TSHZ2: variants seen among roughly 807,000 people sequenced by gnomAD.
TSHZ2 encodes the protein teashirt homolog 2.
In TSHZ2, 21 loss-of-function variants were observed where a neutral mutation model predicts 74.4. The observed-to-expected ratio is 0.28, with a 90% confidence interval of 0.20 to 0.41. The LOEUF is 0.41. TSHZ2 is among the 10% of genes least tolerant of loss of function. The pLI is 1.00. For synonymous variants in TSHZ2, 540 were observed against 515.3 expected (o/e 1.05, Z -0.65); for missense variants, 1,244 against 1,293.5 (o/e 0.96, Z 0.59).
chr20:53,252,302 G>A (rs1331855835), intron 1 of TSHZ2, among the ~76,000 whole-genome samples: 1 of 152,188 alleles, frequency 6.6e-6, no homozygotes, highest in East Asian at 1.9e-4. Context: ...GGAAATAACA[G>A]AGCCTGCTCT....
intron 1 of TSHZ2, among the ~76,000 whole-genome samples, chr20:53,150,732 AGG>A (rs939803438): frequency 6.6e-6 from 1 of 152,110 alleles, no homozygotes; most frequent in African/African-American, 2.4e-5. Flanking sequence ...AAGAAAAAGA[AGG>A]AGGGAAGAAA....
chr20:52,996,173 T>C (rs1982179997), intron 1 of TSHZ2, among the ~76,000 whole-genome samples: 1 of 152,152 alleles, frequency 6.6e-6, no homozygotes, highest in African/African-American at 2.4e-5. Flanking sequence ...AAAAAGGTAA[T>C]ATAAAATGGA....
intron 1 of TSHZ2, among the ~76,000 whole-genome samples, chr20:53,238,772 G>A (rs1417496738): frequency 6.7e-6 from 1 of 150,020 alleles, no homozygotes; most frequent in Non-Finnish European, 1.5e-5. Flanking sequence ...TGTCTGTAAG[G>A]GAGCAGTTTT....
At chr20:53,439,344 A>T (rs1984223362) in intron 2 of TSHZ2, among the ~76,000 whole-genome samples, 1 of 152,132 alleles carries the variant, frequency 6.6e-6, no homozygotes, top group Non-Finnish European at 1.5e-5. Context: ...TGCCTAGCTC[A>T]CTATTAAAAA....
At chr20:53,274,019 A>G (rs531245663) in intron 2 of TSHZ2, among the ~76,000 whole-genome samples, 53 of 152,222 alleles carry the variant, frequency 3.5e-4, no homozygotes, top group Middle Eastern at 3.4e-3. Flanking sequence ...AGTGACTCAC[A>G]CCTGTAATCC....
At chr20:53,103,534 G>A (rs938669794) in intron 1 of TSHZ2, among the ~76,000 whole-genome samples, 13 of 152,134 alleles carry the variant, frequency 8.5e-5, no homozygotes, top group Non-Finnish European at 1.9e-4. Context: ...AAAGCAGAGA[G>A]AGTGCTTCAG....
chr20:53,100,296 C>T (rs1185316286), intron 1 of TSHZ2, among the ~76,000 whole-genome samples: 1 of 152,152 alleles, frequency 6.6e-6, no homozygotes, highest in African/African-American at 2.4e-5. Context: ...AGTTCCTTTG[C>T]CTTCCCGTTT....
intron 2 of TSHZ2, among the ~76,000 whole-genome samples, chr20:53,300,776 G>A (rs542597729): frequency 2.0e-5 from 3 of 152,252 alleles, no homozygotes; most frequent in African/African-American, 7.2e-5. Flanking sequence ...AAACCAGGGA[G>A]CTTTGACTAA....
chr20:53,372,080 T>G (rs1440144549), intron 2 of TSHZ2, among the ~76,000 whole-genome samples: 1 of 152,018 alleles, frequency 6.6e-6, no homozygotes, highest in Non-Finnish European at 1.5e-5. Context: ...CCTAATTGAG[T>G]CTGACCTCAT....
At chr20:53,170,359 C>G (rs1243576004) in intron 1 of TSHZ2, among the ~76,000 whole-genome samples, 1 of 152,214 alleles carries the variant, frequency 6.6e-6, no homozygotes, top group Non-Finnish European at 1.5e-5. Flanking sequence ...TTCATTTTCT[C>G]TTAGGATAGA....
intron 2 of TSHZ2, among the ~76,000 whole-genome samples, chr20:53,315,584 G>A (rs919298993): frequency 7.9e-5 from 12 of 152,150 alleles, no homozygotes; most frequent in African/African-American, 2.9e-4. Flanking sequence ...AAGGAAGATA[G>A]GTTCCTTTCT....
chr20:53,311,536 C>T (rs1000016957), intron 2 of TSHZ2, among the ~76,000 whole-genome samples: 1 of 152,140 alleles, frequency 6.6e-6, no homozygotes, highest in Non-Finnish European at 1.5e-5. Context: ...ACAAATCAGC[C>T]CTCAGCCTGG....
At chr20:52,982,187 A>T (rs963180982) in intron 1 of TSHZ2, among the ~76,000 whole-genome samples, 2 of 152,202 alleles carry the variant, frequency 1.3e-5, no homozygotes, top group African/African-American at 2.4e-5. Context: ...TGTTTTACTG[A>T]TGAGAATCTG....
At chr20:53,073,220 C>G (rs1249681542) in intron 1 of TSHZ2, among the ~76,000 whole-genome samples, 3 of 151,230 alleles carry the variant, frequency 2.0e-5, no homozygotes, top group Non-Finnish European at 3.0e-5. Context: ...ATCCCTTAAT[C>G]CATTCATCTG....
chr20:53,016,394 A>G (rs531041084), intron 1 of TSHZ2, among the ~76,000 whole-genome samples: 2 of 152,326 alleles, frequency 1.3e-5, no homozygotes, highest in South Asian at 4.1e-4. Context: ...TTAGCAACAA[A>G]TCAGCCTTCA....
At chr20:53,316,473 A>G (rs1979025097) in intron 2 of TSHZ2, among the ~76,000 whole-genome samples, 2 of 152,162 alleles carry the variant, frequency 1.3e-5, no homozygotes, top group Non-Finnish European at 2.9e-5. Flanking sequence ...GAAACAATTC[A>G]GGGGCTGTGG....
intron 2 of TSHZ2, among the ~76,000 whole-genome samples, chr20:53,336,606 C>T (rs2145559270): frequency 6.6e-6 from 1 of 152,254 alleles, no homozygotes; most frequent in African/African-American, 2.4e-5. Flanking sequence ...ATGTTCTTTC[C>T]ACCTCTTTCT....
chr20:53,273,956 A>T (rs1376810262), intron 2 of TSHZ2, among the ~76,000 whole-genome samples: 3 of 152,122 alleles, frequency 2.0e-5, no homozygotes, highest in Non-Finnish European at 4.4e-5. Context: ...ATCACTGCCC[A>T]TCTCCCAAGA....
intron 2 of TSHZ2, among the ~76,000 whole-genome samples, chr20:53,268,250 C>G (rs1568844429): frequency 6.6e-6 from 1 of 152,140 alleles, no homozygotes; most frequent in Non-Finnish European, 1.5e-5. Context: ...GAAGTCTGTG[C>G]AAGATACAGA....
Sources: gnomAD v4.1 joint callset for allele counts (sites outside exome capture counted in the v4.1 genomes callset) on GRCh38, gnomAD v4.1.1 for gene constraint, MANE v1.5 for transcripts, NCBI Gene and HGNC (gene_info 2026-07-23, HGNC 2026-07-21) for gene names.